PIMREG: variants seen among roughly 807,000 people sequenced by gnomAD.
The protein encoded by PIMREG is PICALM interacting mitotic regulator, also known as protein PIMREG.
Under a neutral mutation model 24.3 loss-of-function variants are expected in PIMREG, and 19 were observed. The ratio of observed to expected loss-of-function variants is 0.78; its 90% CI spans 0.54 to 1.15. The LOEUF is 1.15. Among genes scored for constraint, PIMREG ranks in the 50% most tolerant of loss-of-function variants. The probability of loss-of-function intolerance (pLI) is 0.00; values close to 1 mark genes in which losing one functional copy is unlikely to be tolerated. For missense variants in PIMREG, 283 were observed against 306.8 expected, an observed-to-expected ratio of 0.92 and a Z score of 0.58; for synonymous variants, 112 against 124.1, an observed-to-expected ratio of 0.90 and a Z score of 0.65.
chr17:6,449,240 G>A (rs777210717), intron 3 of PIMREG, 72 bp from the exon 4 acceptor site: 18 of 1,349,390 alleles, frequency 1.3e-5, no homozygotes, highest in Admixed American at 3.9e-5. Flanking sequence ...ACCACACCCC[G>A]GTACCGGGTT....
intron 4 of PIMREG, 142 bp from the exon 5 acceptor site, chr17:6,449,886 A>C: frequency 1.4e-6 from 2 of 1,398,964 alleles, no homozygotes; most frequent in Non-Finnish European, 9.8e-7. Context: ...GATGGGCTCT[A>C]AGGCTGGGCC....
In PIMREG at chr17:6,450,031, T is replaced by C. The variant is rs1470226191; in HGVS notation, c.690T>C (p.Gly230=). ...CAATCCCTCCCCTTCTCTCTAGTGGTGACATCGTCTCTCTCATTCATGACT... is the reference window on the plus strand; with the variant it reads ...CAATCCCTCCCCTTCTCTCTAGTGGCGACATCGTCTCTCTCATTCATGACT... The part of the protein sequence containing the change: ...LDEAIMAEES[G]DIVSLIHD Residue 230 remains glycine (G), a synonymous_variant, in exon 5 of 6, where the codon GGT becomes GGC. Transcript: ENST00000572447. The C allele has an allele frequency of 6.2e-7, 1 of 1,614,132 alleles. No homozygotes were observed. Among genetic ancestry groups the C allele is most frequent in the Non-Finnish European group, 8.5e-7 (1 of 1,179,986 alleles).
rs760442974 is a variant in PIMREG, at chr17:6,449,303, T to C, written c.591-9T>C. 6.2e-7 allele frequency: 1 copy of C among 1,605,216 alleles called. No individual in the cohort carries two copies. Among genetic ancestry groups the C allele is most frequent in the South Asian group, 1.1e-5 (1 of 89,648 alleles). ...ACTAGTCACTGGTGTGGCTTTTTCT[T>C]TCATGCAGCGAGTCTGACAGTGACC... On this transcript the variant is annotated splice_polypyrimidine_tract_variant and intron_variant, in intron 3 of 5. Transcript: ENST00000572447.
At chr17:6,448,314 A>G (rs1364433198) in intron 3 of PIMREG, among the ~76,000 whole-genome samples, 1 of 144,126 alleles carries the variant, frequency 6.9e-6, no homozygotes, top group East Asian at 2.1e-4. Context: ...AGAGAGAGAA[A>G]GAAAACAAAA....
intron 2 of PIMREG, chr17:6,446,274 T>C (rs1398008822): frequency 7.5e-6 from 3 of 399,334 alleles, no homozygotes; most frequent in Non-Finnish European, 4.4e-6. Context: ...ACAGAAGCCA[T>C]TAGGATGAAC....
intron 2 of PIMREG, chr17:6,446,243 T>C: frequency 2.5e-6 from 1 of 400,836 alleles, no homozygotes. Flanking sequence ...GCTGGAGGTG[T>C]AGACGTGTCA....
chr17:6,449,266 C>T (rs147061783), intron 3 of PIMREG, 46 bp from the exon 4 acceptor site: 57 of 1,543,424 alleles, frequency 3.7e-5, no homozygotes, highest in East Asian at 2.5e-4. Context: ...GGTCTCCTGC[C>T]GGGAGTTTCC....
At chr17:6,447,309 T>C (rs1398360166) in intron 2 of PIMREG, 154 bp from the exon 3 acceptor site, 2 of 800,140 alleles carry the variant, frequency 2.5e-6, no homozygotes, top group African/African-American at 3.5e-5. Flanking sequence ...AGAAATGGGG[T>C]TACACCATGT....
At chr17:6,449,467 T>C in intron 4 of PIMREG, 60 bp downstream of exon 4, 1 of 1,488,794 alleles carries the variant, frequency 6.7e-7, no homozygotes, top group Non-Finnish European at 9.2e-7. Context: ...CAGCCATCTT[T>C]GTAGGCAGGC....
intron 4 of PIMREG, 71 bp downstream of exon 4, chr17:6,449,478 G>T (rs189458224): frequency 7.0e-7 from 1 of 1,423,726 alleles, no homozygotes; most frequent in Non-Finnish European, 9.6e-7. Flanking sequence ...GTAGGCAGGC[G>T]TTGGTTCTGC....
chr17:6,449,490 C>T (rs1337257360), intron 4 of PIMREG, 83 bp downstream of exon 4: 3 of 1,296,286 alleles, frequency 2.3e-6, no homozygotes, highest in Non-Finnish European at 3.2e-6. Flanking sequence ...TGGTTCTGCT[C>T]TGACCTGCTG....
rs954797801 is a variant in PIMREG, at chr17:6,449,751, A to G, written c.687-277A>G. 8 of 1,393,942 alleles carry G rather than the reference A, an allele frequency of 5.7e-6. 1 individual carries two copies. The highest frequency in any genetic ancestry group is 3.1e-5 in the Admixed American group (1 of 32,690). The allele number at this position is 1,393,942 out of a possible 1,614,324, so 86.3% of individuals were successfully genotyped here. A position where few individuals can be genotyped will look rare whatever the true frequency, so the allele number is the denominator to read the frequency against. ...CCCTGCCTGCCTATGGAATTGGGAA[A>G]AGCAACCTGACTGCTATGGAGTTCC... On this transcript the variant is annotated intron_variant, in intron 4 of 5. Transcript: ENST00000572447.
chr17:6,449,627 G>A, intron 4 of PIMREG: 1 of 1,270,276 alleles, frequency 7.9e-7, no homozygotes. Context: ...GGTCTTCTGG[G>A]CCTTGGGACC....
At chr17:6,448,940 G>A (rs1386835172) in intron 3 of PIMREG, among the ~76,000 whole-genome samples, 1 of 152,194 alleles carries the variant, frequency 6.6e-6, no homozygotes, top group Admixed American at 6.5e-5. Context: ...AGCCAGCAGG[G>A]GACCTGAGAA....
chr17:6,447,419 CTT>C, intron 2 of PIMREG, 42 bp from the exon 3 acceptor site: 1 of 1,588,910 alleles, frequency 6.3e-7, no homozygotes, highest in Non-Finnish European at 8.6e-7. Context: ...CCCGGCCTAA[CTT>C]TTGGTTTTGT....
intron 4 of PIMREG, 118 bp downstream of exon 4, chr17:6,449,525 CT>C: frequency 9.5e-7 from 1 of 1,048,934 alleles, no homozygotes; most frequent in Non-Finnish European, 1.3e-6. Context: ...GTCTCTGCCC[CT>C]CTCTGGGCCT....
intron 4 of PIMREG, 183 bp downstream of exon 4, chr17:6,449,590 G>A (rs1227535574): frequency 9.3e-7 from 1 of 1,080,304 alleles, no homozygotes; most frequent in African/African-American, 1.6e-5. Context: ...CTGGGGTGAT[G>A]GTAAAGGATG....
In PIMREG at chr17:6,446,701, A is replaced by G. The variant is rs79164015; in HGVS notation, c.295-762A>G. The stretch of plus-strand genomic sequence containing the variant: ...TGAGCAGTTGAGTGTCACGGTCAGA[A>G]CTGCCCTTTAGAAGGATCACTATGG... On this transcript the variant is annotated intron_variant, in intron 2 of 5. Transcript: ENST00000572447. Among the ~76,000 whole-genome samples the G allele has an allele frequency of 5.3e-3, 802 of 152,296 alleles. 7 individuals carry two copies. Among genetic ancestry groups the G allele is most frequent in the African/African-American group, 0.019 (774 of 41,560 alleles).
At chr17:6,449,828 C>G (rs1913745568) in intron 4 of PIMREG, 200 bp from the exon 5 acceptor site, 1 of 1,420,388 alleles carries the variant, frequency 7.0e-7, no homozygotes, top group South Asian at 1.5e-5. Flanking sequence ...GGTTGTGGAC[C>G]TCCCCTAACT....
Sources: allele counts gnomAD v4.1 joint callset (sites outside exome capture counted in the v4.1 genomes callset), GRCh38; gene constraint gnomAD v4.1.1; transcripts MANE v1.5; gene names NCBI Gene and HGNC (gene_info 2026-07-23, HGNC 2026-07-21).